Variants in PTBP3 observed in about 807,000 individuals in gnomAD.
PTBP3 encodes the protein polypyrimidine tract binding protein 3, also known as polypyrimidine tract-binding protein 3.
Under a neutral mutation model 58.7 loss-of-function variants are expected in PTBP3, and 20 were observed. The observed-to-expected ratio is 0.34, with a 90% CI of 0.24 to 0.50. The LOEUF is 0.50. Ranked by LOEUF, PTBP3 falls within the 20% of genes least tolerant of loss-of-function variation. The pLI is 0.98. For missense variants in PTBP3, 509 were observed against 637.2 expected (o/e 0.80, Z 2.17); for synonymous variants, 185 against 219.8 (o/e 0.84, Z 1.40).
the PTBP3 span, among the ~76,000 whole-genome samples, chr9:112,366,736 A>G: frequency 5.9e-5 from 9 of 152,164 alleles, no homozygotes; most frequent in African/African-American, 2.2e-4. Context: ...CAGAGCCTCC[A>G]CACAGTCCTT....
chr9:112,343,393 C>T, the PTBP3 span, among the ~76,000 whole-genome samples: 1 of 151,422 alleles, frequency 6.6e-6, no homozygotes, highest in African/African-American at 2.4e-5. Context: ...ATTTTTAGTT[C>T]AAAGTGCTTT....
intron 5 of PTBP3, among the ~76,000 whole-genome samples, chr9:112,256,460 A>G (rs1342231593): frequency 6.6e-6 from 1 of 151,888 alleles, no homozygotes; most frequent in Non-Finnish European, 1.5e-5. Context: ...TAAGAGATAT[A>G]GACTAAAATG....
chr9:112,305,534 G>T (rs934758298), intron 1 of PTBP3, among the ~76,000 whole-genome samples: 3 of 152,148 alleles, frequency 2.0e-5, no homozygotes. Flanking sequence ...TGATGCTGGG[G>T]AAGTAATGTG....
At chr9:112,361,955 T>G in the PTBP3 span, among the ~76,000 whole-genome samples, 1 of 152,234 alleles carries the variant, frequency 6.6e-6, no homozygotes, top group Non-Finnish European at 1.5e-5. Context: ...CAGTGGAATC[T>G]CATTGTGGTT....
intron 4 of PTBP3, among the ~76,000 whole-genome samples, chr9:112,266,102 G>A (rs1207623154): frequency 6.6e-6 from 1 of 152,132 alleles, no homozygotes; most frequent in Non-Finnish European, 1.5e-5. Context: ...AGGTGGGAGG[G>A]AGGAAGGAAT....
Position 112,220,090 on chromosome 9 carries a change from C to T in PTBP3, c.*3761G>A, listed in dbSNP as rs1462924905. On this transcript the variant is annotated 3_prime_UTR_variant, in exon 14 of 14. Transcript: ENST00000374257. ...AAGAAAAATGCTTTACGCATCGTCA[C>T]GCTGTCTCTTTTTGGTTTTAAAAAT... 1.1e-5 allele frequency: 13 copies of T among 1,215,756 alleles called. No homozygotes were observed. Among genetic ancestry groups the T allele is most frequent in the South Asian group, 7.4e-5 (5 of 67,940 alleles). The allele number at this position is 1,215,756 out of a possible 1,614,324, so 75.3% of individuals were successfully genotyped here.
At chr9:112,290,672 TAAAAA>T (rs141146042) in intron 2 of PTBP3, among the ~76,000 whole-genome samples, 1 of 53,054 alleles carries the variant, frequency 1.9e-5, no homozygotes, top group African/African-American at 7.7e-5. Flanking sequence ...ACTCTGTCTT[TAAAAA>T]AAAAAAAAAA....
At position 112,232,267 on chromosome 9, in the gene PTBP3, T is replaced by A. The variant is rs1319203476; in HGVS notation, c.881-29A>T. 2.6e-6 allele frequency: 4 copies of A among 1,542,364 alleles called. No homozygotes were observed. In the African/African-American group the frequency reaches 5.6e-5, roughly 21 times the overall value. ...TTAAAAATACCAAAAGCATTTCATA[T>A]TCTAATTATTTGAAGAACTGTAACA... is the stretch of plus-strand genomic sequence containing the variant. On this transcript the variant is annotated intron_variant, in intron 8 of 13. Coordinates refer to ENST00000374257, the MANE Select transcript of PTBP3 (RefSeq NM_001163788.4).
At chr9:112,303,298 G>A (rs1234353762) in intron 1 of PTBP3, among the ~76,000 whole-genome samples, 1 of 152,082 alleles carries the variant, frequency 6.6e-6, no homozygotes, top group African/African-American at 2.4e-5. Context: ...CAAGTGAAAA[G>A]GTTCAACTTA....
intron 4 of PTBP3, among the ~76,000 whole-genome samples, chr9:112,265,665 A>G (rs1836770941): frequency 6.6e-6 from 1 of 152,234 alleles, no homozygotes; most frequent in Non-Finnish European, 1.5e-5. Flanking sequence ...ACATGAGGGT[A>G]GAACAAGACA....
the PTBP3 span, among the ~76,000 whole-genome samples, chr9:112,374,175 A>C: frequency 1.3e-5 from 2 of 152,286 alleles, no homozygotes; most frequent in East Asian, 3.9e-4. Flanking sequence ...ATCCGGGTCA[A>C]TCACACCAGG....
chr9:112,327,557 G>T (rs1003836208), intron 1 of PTBP3, among the ~76,000 whole-genome samples: 1 of 151,926 alleles, frequency 6.6e-6, no homozygotes, highest in Non-Finnish European at 1.5e-5. Flanking sequence ...GGAGACCACC[G>T]TCTCAAAAAA....
the PTBP3 span, among the ~76,000 whole-genome samples, chr9:112,354,094 C>T: frequency 3.3e-5 from 5 of 152,162 alleles, no homozygotes; most frequent in African/African-American, 1.2e-4. Flanking sequence ...ACAAAGCCTT[C>T]ATTTTGGCTA....
At chr9:112,362,332 G>T in the PTBP3 span, among the ~76,000 whole-genome samples, 2 of 152,070 alleles carry the variant, frequency 1.3e-5, no homozygotes, top group Non-Finnish European at 2.9e-5. Context: ...TATTCAAATC[G>T]TTGCCCATTT....
chr9:112,306,798 T>C (rs1043738268), intron 1 of PTBP3, among the ~76,000 whole-genome samples: 2 of 151,980 alleles, frequency 1.3e-5, no homozygotes, highest in Non-Finnish European at 1.5e-5. Flanking sequence ...GTATTTTTAG[T>C]AGAGACAGGG....
chr9:112,342,122 G>C, the PTBP3 span, among the ~76,000 whole-genome samples: 4 of 152,146 alleles, frequency 2.6e-5, no homozygotes, highest in African/African-American at 9.7e-5. Flanking sequence ...CTGGAGCTGG[G>C]ACACTGTTCT....
intron 2 of PTBP3, chr9:112,281,359 TCAAC>T (rs1827857238): frequency 1.3e-5 from 2 of 152,652 alleles, no homozygotes; most frequent in African/African-American, 4.8e-5. Flanking sequence ...TCTACTCTTT[TCAAC>T]CAATACTCAA....
At chr9:112,328,403 A>G (rs944247466) in intron 1 of PTBP3, among the ~76,000 whole-genome samples, 1 of 152,246 alleles carries the variant, frequency 6.6e-6, no homozygotes, top group African/African-American at 2.4e-5. Flanking sequence ...GAACCAACTA[A>G]TAAGCTTATC....
At chr9:112,229,707 TAA>T (rs1356408206) in intron 10 of PTBP3, among the ~76,000 whole-genome samples, 1 of 152,204 alleles carries the variant, frequency 6.6e-6, no homozygotes, top group Non-Finnish European at 1.5e-5. Context: ...CTTTAAAAAC[TAA>T]ACATATACCA....
Sources: gnomAD v4.1 joint callset for allele counts (sites outside exome capture counted in the v4.1 genomes callset) on GRCh38, gnomAD v4.1.1 for gene constraint, MANE v1.5 for transcripts, NCBI Gene and HGNC (gene_info 2026-07-23, HGNC 2026-07-21) for gene names.